Variants in ORC3 observed in about 807,000 individuals in gnomAD.
ORC3 encodes homolog of latheo, Drosophila.
Under a neutral mutation model 100.7 loss-of-function variants are expected in ORC3, and 78 were observed. The observed-to-expected ratio is 0.77, with a 90% CI of 0.65 to 0.94. ORC3 has a LOEUF of 0.94. Among genes scored for constraint, ORC3 ranks in the 40% least tolerant of loss-of-function variants. ORC3 has a pLI of 0.00. For missense variants in ORC3, 789 were observed against 823.9 expected, an observed-to-expected ratio of 0.96 and a Z score of 0.52; for synonymous variants, 295 against 289.3, an observed-to-expected ratio of 1.02 and a Z score of -0.20.
chr6:87,607,636 G>T, intron 5 of ORC3, 37 bp from the exon 6 acceptor site: 2 of 1,516,858 alleles, frequency 1.3e-6, no homozygotes, highest in Non-Finnish European at 1.8e-6. Flanking sequence ...TTTTAGAAGA[G>T]GCAGAGATAA....
intron 4 of ORC3, among the ~76,000 whole-genome samples, chr6:87,605,151 A>G (rs571924517): frequency 6.6e-6 from 1 of 152,316 alleles, no homozygotes; most frequent in African/African-American, 2.4e-5. Flanking sequence ...GTAAATACCA[A>G]AAGAACCCAT....
intron 9 of ORC3, among the ~76,000 whole-genome samples, chr6:87,618,283 G>T (rs758865571): frequency 3.3e-5 from 5 of 152,174 alleles, no homozygotes; most frequent in African/African-American, 4.8e-5. Flanking sequence ...GGTGGCGCAT[G>T]CCTCTAATCC....
chr6:87,659,017 T>TGGG (rs1201770464), intron 16 of ORC3, among the ~76,000 whole-genome samples: 3 of 10,552 alleles, frequency 2.8e-4, no homozygotes, highest in African/African-American at 1.1e-3. Flanking sequence ...ACCTAAAAAG[T>TGGG]GGGGCGGGGG....
Position 87,664,824 on chromosome 6 carries a change from T to A in ORC3, c.1915T>A (p.Cys639Ser). 1.2e-6 allele frequency: 2 copies of A among 1,613,712 alleles called. No homozygotes were observed. Among genetic ancestry groups the A allele is most frequent in the Non-Finnish European group, 1.7e-6 (2 of 1,179,726 alleles). ...ICIAYKLHLECSRLINLVDWS... is the reference protein window; with the variant it reads ...ICIAYKLHLESSRLINLVDWS... Reference sequence around the variant, plus strand: ...CATAGCATACAAACTGCACCTAGAGTGTAGCAGGCTCATCAACCTCGTGGA... The same window carrying A: ...CATAGCATACAAACTGCACCTAGAGAGTAGCAGGCTCATCAACCTCGTGGA... Residue 639 changes from cysteine (C) to serine (S), a missense_variant, in exon 18 of 20, where the codon TGT (cysteine) becomes AGT (serine). This residue lies in a region of ORC3 where 366 missense variants were observed against 394.2 expected (regional missense o/e 0.93). Transcript: ENST00000392844.
chr6:87,626,228 C>A (rs1423569692), intron 11 of ORC3, among the ~76,000 whole-genome samples: 1 of 152,112 alleles, frequency 6.6e-6, no homozygotes, highest in Non-Finnish European at 1.5e-5. Flanking sequence ...TGAAGAAAGT[C>A]ATTGGTAGCT....
chr6:87,664,785 G>T lies in ORC3; in HGVS notation c.1876G>T (p.Ala626Ser). The T allele has an allele frequency of 6.2e-7, 1 of 1,614,030 alleles. No individual in the cohort carries two copies. Among genetic ancestry groups the T allele is most frequent in the Non-Finnish European group, 8.5e-7 (1 of 1,179,960 alleles). ...KSEEGCIPNI[A>S]PDICIAYKLH... The stretch of plus-strand genomic sequence containing the variant: ...CGAAGAAGGCTGCATTCCGAATATC[G>T]CCCCAGACATCTGCATAGCATACAA... Residue 626 changes from alanine (A) to serine (S), a missense_variant, in exon 18 of 20, where the codon GCC becomes TCC. Ala to Ser is a moderately conservative substitution (Grantham distance 99, BLOSUM62 1). Transcript: ENST00000392844.
At chr6:87,597,407 A>T (rs374768694) in intron 2 of ORC3, among the ~76,000 whole-genome samples, 3 of 152,000 alleles carry the variant, frequency 2.0e-5, no homozygotes, top group African/African-American at 7.2e-5. Flanking sequence ...CAATGCTAAG[A>T]CCCTAACCCG....
intron 13 of ORC3, among the ~76,000 whole-genome samples, chr6:87,643,676 T>TA (rs1768463206): frequency 6.6e-6 from 1 of 152,218 alleles, no homozygotes; most frequent in Non-Finnish European, 1.5e-5. Flanking sequence ...AATGAACAGA[T>TA]AACTAAGAAA....
chr6:87,601,527 G>A (rs946861980), intron 2 of ORC3, among the ~76,000 whole-genome samples: 32 of 152,068 alleles, frequency 2.1e-4, no homozygotes, highest in African/African-American at 4.3e-4. Flanking sequence ...AAAATTGAGC[G>A]GGCGTGGTGG....
Position 87,621,362 on chromosome 6 carries a change from A to G in ORC3, c.996A>G (p.Leu332=), listed in dbSNP as rs779807873. ...QNFIKGLQLS[L]LEHFYSQPLS... ...CTTCACATGTCTTTCAGCTTTCTCT[A>G]TTAGAGCATTTCTATTCCCAGCCCT... The change falls in exon 10 of 20, where the codon CTA becomes CTG. Residue 332 remains leucine (L), a synonymous_variant. Coordinates refer to ENST00000392844, the MANE Select transcript of ORC3 (RefSeq NM_012381.4). 37 of 1,539,510 alleles carry G rather than the reference A, an allele frequency of 2.4e-5. No homozygotes were observed. Among genetic ancestry groups the G allele is most frequent in the Middle Eastern group, 2.2e-4 (1 of 4,572 alleles).
chr6:87,629,801 G>A (rs1018666121), intron 11 of ORC3, among the ~76,000 whole-genome samples: 17 of 151,986 alleles, frequency 1.1e-4, no homozygotes, highest in Non-Finnish European at 1.5e-4. Context: ...GAGAACGTGC[G>A]GTATTTGATT....
intron 16 of ORC3, among the ~76,000 whole-genome samples, chr6:87,662,582 T>C (rs1482051096): frequency 6.6e-6 from 1 of 152,208 alleles, no homozygotes; most frequent in East Asian, 1.9e-4. Context: ...AGGTTAAATG[T>C]TTGCTGTGCT....
chr6:87,672,806 T>G, the ORC3 span, among the ~76,000 whole-genome samples: 1 of 152,108 alleles, frequency 6.6e-6, no homozygotes, highest in Non-Finnish European at 1.5e-5. Flanking sequence ...CCTCCAATAT[T>G]TATTTTTCTC....
At chr6:87,632,551 A>G (rs1177042753) in intron 11 of ORC3, among the ~76,000 whole-genome samples, 2 of 152,196 alleles carry the variant, frequency 1.3e-5, no homozygotes, top group Non-Finnish European at 2.9e-5. Flanking sequence ...ATGGAACAAA[A>G]CAAAACAATA....
chr6:87,597,010 A>G (rs1057339830), intron 2 of ORC3, among the ~76,000 whole-genome samples: 11 of 152,216 alleles, frequency 7.2e-5, no homozygotes, highest in Non-Finnish European at 1.2e-4. Context: ...ACCTTATTCA[A>G]TTCCAACTTG....
the ORC3 span, among the ~76,000 whole-genome samples, chr6:87,676,523 G>T: frequency 1.4e-5 from 2 of 146,182 alleles, no homozygotes; most frequent in Non-Finnish European, 3.0e-5. Context: ...TTGGGACGCC[G>T]AGGCGGGCAC....
At chr6:87,635,306 G>T (rs1202172836) in intron 12 of ORC3, among the ~76,000 whole-genome samples, 1 of 152,178 alleles carries the variant, frequency 6.6e-6, no homozygotes, top group Non-Finnish European at 1.5e-5. Context: ...GTTTGAGAAT[G>T]CTTGATGGTT....
intron 13 of ORC3, among the ~76,000 whole-genome samples, chr6:87,637,115 T>TA (rs1767890319): frequency 6.6e-6 from 1 of 152,208 alleles, no homozygotes; most frequent in South Asian, 2.1e-4. Flanking sequence ...TGGATAGTTA[T>TA]AAGGGGAAAT....
At chr6:87,652,198 A>G (rs1233588477) in intron 13 of ORC3, among the ~76,000 whole-genome samples, 1 of 152,226 alleles carries the variant, frequency 6.6e-6, no homozygotes, top group East Asian at 1.9e-4. Context: ...GTGCCTGGAA[A>G]TATTAGAACT....
Sources: gnomAD v4.1 joint callset for allele counts (sites outside exome capture counted in the v4.1 genomes callset) on GRCh38, gnomAD v4.1.1 for gene constraint, gnomAD v4.1.1 regional missense constraint, MANE v1.5 for transcripts, NCBI Gene and HGNC (gene_info 2026-07-23, HGNC 2026-07-21) for gene names.